The following ANKRD30B variants were observed in gnomAD, a reference collection of about 807,000 sequenced individuals.
ANKRD30B encodes the protein ankyrin repeat domain 30B, also known as ankyrin repeat domain-containing protein 30B.
ANKRD30B carries 144 observed loss-of-function variants against 202.2 expected under a neutral mutation model. The ratio of observed to expected loss-of-function variants is 0.71; its 90% confidence interval spans 0.62 to 0.82. The LOEUF (loss-of-function observed/expected upper bound fraction) is 0.82, where lower values mean the gene tolerates loss of function less well. Ranked by LOEUF, ANKRD30B falls within the 40% of genes least tolerant of loss-of-function variation. The pLI, the probability that ANKRD30B is intolerant of heterozygous loss-of-function variation, is 0.00. For missense variants in ANKRD30B, 1,487 were observed against 1,669.1 expected (o/e 0.89, Z 1.90); for synonymous variants, 508 against 561.3 (o/e 0.91, Z 1.34).
chr18:14,776,302 T>C (rs1309418873), intron 9 of ANKRD30B, among the ~76,000 whole-genome samples: 1 of 152,110 alleles, frequency 6.6e-6, no homozygotes, highest in Non-Finnish European at 1.5e-5. Context: ...GAATAACAAA[T>C]AAAAAACACT....
At chr18:14,899,284 A>C in the ANKRD30B span, among the ~76,000 whole-genome samples, 1 of 152,080 alleles carries the variant, frequency 6.6e-6, no homozygotes, top group Non-Finnish European at 1.5e-5. Context: ...GTTTTTAAAA[A>C]CCTCATGATT....
rs1424892097 is a variant in ANKRD30B, at chr18:14,809,373, C to A, written c.2387-613C>A. Among the ~76,000 whole-genome samples the A allele has an allele frequency of 1.3e-5, 2 of 150,794 alleles. 1 individual carries two copies. Among genetic ancestry groups the A allele is most frequent in the Non-Finnish European group, 3.0e-5 (2 of 67,716 alleles). The stretch of plus-strand genomic sequence containing the variant: ...TATTAATCAGCAGTAACAGTTGCAG[C>A]AAAAGCTGGTTAGAAACAATCCATA... On this transcript the variant is annotated intron_variant, in intron 26 of 43. Transcript: ENST00000690538.
At chr18:14,883,819 A>G in the ANKRD30B span, 1 of 215,942 alleles carries the variant, frequency 4.6e-6, no homozygotes, top group Admixed American at 6.5e-5. Context: ...CCTTTTCTTA[A>G]TTATCCTGTG....
At chr18:14,748,730 G>C in intron 1 of ANKRD30B, 90 bp downstream of exon 1, 1 of 1,299,004 alleles carries the variant, frequency 7.7e-7, no homozygotes, top group Non-Finnish European at 1.0e-6. Context: ...GGGTCCTGGG[G>C]ACGAGGGGAG....
At chr18:14,776,170 G>A (rs896384840) in intron 9 of ANKRD30B, among the ~76,000 whole-genome samples, 2 of 152,144 alleles carry the variant, frequency 1.3e-5, no homozygotes, top group African/African-American at 4.8e-5. Context: ...TGGAAAGTGA[G>A]ACTTTCCTGA....
chr18:14,880,642 T>C, the ANKRD30B span, among the ~76,000 whole-genome samples: 1 of 146,608 alleles, frequency 6.8e-6, no homozygotes, highest in Non-Finnish European at 1.5e-5. Context: ...CTTGGCTCAC[T>C]ACAACTTCTG....
chr18:14,781,288 C>CTTTTTTTTT (rs892666549), intron 11 of ANKRD30B, among the ~76,000 whole-genome samples: 6 of 85,670 alleles, frequency 7.0e-5, no homozygotes, highest in Non-Finnish European at 1.3e-4. Flanking sequence ...TCTGAGTATT[C>CTTTTTTTTT]TTTTTTTTTT....
At chr18:14,778,953 A>G (rs990201598) in intron 10 of ANKRD30B, among the ~76,000 whole-genome samples, 1 of 152,328 alleles carries the variant, frequency 6.6e-6, no homozygotes, top group Admixed American at 6.5e-5. Context: ...AATGGTAATT[A>G]CAGATGTCAG....
the ANKRD30B span, chr18:14,877,499 T>A: frequency 1.5e-4 from 23 of 151,700 alleles, no homozygotes; most frequent in African/African-American, 5.6e-4. Flanking sequence ...AGACAAAATA[T>A]GCAAAGTACT....
intron 20 of ANKRD30B, among the ~76,000 whole-genome samples, 178 bp from the exon 21 acceptor site, chr18:14,798,923 G>T (rs760974437): frequency 2.6e-5 from 4 of 152,052 alleles, no homozygotes; most frequent in Non-Finnish European, 4.4e-5. Flanking sequence ...GTTTCAGGGG[G>T]TCTCCCTACA....
At chr18:14,913,673 T>C in the ANKRD30B span, among the ~76,000 whole-genome samples, 6 of 152,134 alleles carry the variant, frequency 3.9e-5, no homozygotes, top group Admixed American at 3.9e-4. Flanking sequence ...GTATCAACAT[T>C]TCATAGTTTT....
At chr18:14,825,896 G>C (rs1456252515) in intron 32 of ANKRD30B, among the ~76,000 whole-genome samples, 1 of 152,102 alleles carries the variant, frequency 6.6e-6, no homozygotes, top group Non-Finnish European at 1.5e-5. Context: ...AGAAATTTCA[G>C]GTCATTCATA....
the ANKRD30B span, among the ~76,000 whole-genome samples, chr18:14,871,759 T>C: frequency 2.6e-5 from 4 of 151,930 alleles, no homozygotes; most frequent in Non-Finnish European, 4.4e-5. Context: ...TAGCCAGCCA[T>C]GGTGGCTATA....
the ANKRD30B span, among the ~76,000 whole-genome samples, chr18:14,937,169 A>G: frequency 6.6e-6 from 1 of 152,218 alleles, no homozygotes. Context: ...TGAATACATC[A>G]TTGTGCTTGC....
At chr18:14,779,593 C>G (rs1425721574) in intron 10 of ANKRD30B, among the ~76,000 whole-genome samples, 1 of 151,706 alleles carries the variant, frequency 6.6e-6, no homozygotes, top group Non-Finnish European at 1.5e-5. Flanking sequence ...CTAAGTAATA[C>G]TAAAAAATAA....
intron 30 of ANKRD30B, chr18:14,816,094 G>A (rs1044535516): frequency 1.3e-5 from 2 of 152,124 alleles, no homozygotes; most frequent in African/African-American, 2.4e-5. Flanking sequence ...TATTTGTAAT[G>A]TAATGATATA....
At chr18:14,792,850 A>G (rs904887401) in intron 16 of ANKRD30B, among the ~76,000 whole-genome samples, 3 of 152,068 alleles carry the variant, frequency 2.0e-5, no homozygotes, top group Non-Finnish European at 4.4e-5. Flanking sequence ...TAAAATTGCC[A>G]TTTTATAAAA....
chr18:14,843,553 C>CTGTGTGTGTGTGTGTGTG (rs56044501), intron 39 of ANKRD30B, among the ~76,000 whole-genome samples: 21 of 145,376 alleles, frequency 1.4e-4, no homozygotes, highest in South Asian at 6.9e-4. Flanking sequence ...AGCTTACTTT[C>CTGTGTGTGTGTGTGTGTG]TGTGTGTGTG....
At chr18:14,836,163 T>A (rs915111509) in intron 34 of ANKRD30B, among the ~76,000 whole-genome samples, 4 of 152,168 alleles carry the variant, frequency 2.6e-5, no homozygotes, top group Admixed American at 6.5e-5. Context: ...TTTCCTCATG[T>A]AGGTCATCTA....
Sources: gnomAD v4.1 joint callset for allele counts (sites outside exome capture counted in the v4.1 genomes callset) on GRCh38, gnomAD v4.1.1 for gene constraint, MANE v1.5 for transcripts, NCBI Gene and HGNC (gene_info 2026-07-23, HGNC 2026-07-21) for gene names.